TIAM1: variants seen among roughly 807,000 people sequenced by gnomAD.
TIAM1 encodes the protein TIAM Rac1 associated GEF 1, also known as rho guanine nucleotide exchange factor TIAM1.
A neutral mutation model predicts 163.5 loss-of-function variants in TIAM1; 65 were observed. The observed-to-expected ratio is 0.40, with a 90% confidence interval of 0.33 to 0.49. The LOEUF is 0.49. TIAM1 is among the 20% of genes least tolerant of loss of function. The pLI is 0.77. For synonymous variants in TIAM1, 833 were observed against 810.1 expected (o/e 1.03, Z -0.48); for missense variants, 1,789 against 2,044.7 (o/e 0.87, Z 2.41).
At chr21:31,388,004 C>T (rs2076904920) in intron 2 of TIAM1, among the ~76,000 whole-genome samples, 1 of 152,106 alleles carries the variant, frequency 6.6e-6, no homozygotes, top group Non-Finnish European at 1.5e-5. Context: ...CCTTCTCTCA[C>T]TCTGTTGCTC....
At chr21:31,210,626 A>AG (rs1327119346) in intron 10 of TIAM1, among the ~76,000 whole-genome samples, 17 of 15,790 alleles carry the variant, frequency 1.1e-3, no homozygotes, top group South Asian at 8.0e-3. Context: ...AGAAAGAAAG[A>AG]AAGAAAGAAA....
chr21:31,187,035 A>G lies in TIAM1; in HGVS notation c.2628T>C (p.Asn876=). Residue 876 remains asparagine (N), a synonymous_variant, in exon 14 of 28, where the codon AAT becomes AAC. Transcript: ENST00000541036. ...EEDGIRRLYV[N]SVKETGLASK... ...AAGCTAAACCGGTTTCCTTCACACT[A>G]TTCACGTACAGCCTTCGAATACCAT... The G allele has an allele frequency of 4.3e-6, 7 of 1,614,108 alleles. No individual in the cohort carries two copies. Among genetic ancestry groups the G allele is most frequent in the Non-Finnish European group, 5.9e-6 (7 of 1,179,994 alleles).
At chr21:31,466,972 CA>C (rs528948975) in intron 1 of TIAM1, among the ~76,000 whole-genome samples, 1,333 of 88,794 alleles carry the variant, frequency 0.015, 12 homozygotes, top group African/African-American at 0.027. Flanking sequence ...TAAAATAGGC[CA>C]AAAAAAAAAA....
intron 11 of TIAM1, among the ~76,000 whole-genome samples, chr21:31,208,820 A>G (rs865992284): frequency 5.9e-5 from 9 of 152,234 alleles, no homozygotes; most frequent in Non-Finnish European, 1.0e-4. Context: ...TAGAACTACA[A>G]AATTGAGGTA....
At chr21:31,165,124 AC>A (rs1209271789) in intron 15 of TIAM1, 59 bp from the exon 16 acceptor site, 4 of 1,527,762 alleles carry the variant, frequency 2.6e-6, no homozygotes, top group Non-Finnish European at 3.6e-6. Context: ...GCTAAAAGCC[AC>A]CCCTGTGTGA....
Position 31,122,374 on chromosome 21 carries a change from C to T in TIAM1, c.4307-1537G>A, listed in dbSNP as rs552102118. Among the ~76,000 whole-genome samples the T allele has an allele frequency of 2.0e-5, 3 of 151,206 alleles. No individual in the cohort carries two copies. In the South Asian group the frequency reaches 6.2e-4, roughly 31 times the overall value. On this transcript the variant is annotated intron_variant, in intron 27 of 27. Transcript: ENST00000541036. ...AATACAGCATCCCTCTCTCCAATCACCACATTAGAACTACCCCAACTCAAA... is the reference window on the plus strand; with the variant it reads ...AATACAGCATCCCTCTCTCCAATCATCACATTAGAACTACCCCAACTCAAA...
intron 11 of TIAM1, among the ~76,000 whole-genome samples, chr21:31,209,370 C>A (rs142781993): frequency 6.6e-6 from 1 of 152,264 alleles, no homozygotes; most frequent in African/African-American, 2.4e-5. Context: ...CTGCCCTTCA[C>A]GGGGAAAAAT....
In TIAM1 at chr21:31,519,676, A is replaced by G. The variant is rs537277333; in HGVS notation, c.-422+39251T>C. The stretch of plus-strand genomic sequence containing the variant: ...CAAGCGTGCTTTGACGCATGAACAG[A>G]TAAGCAAAAGGTGGCATATCCATAC... On this transcript the variant is annotated intron_variant, in intron 1 of 28. Transcript: ENST00000286827. 5.9e-5 allele frequency among the ~76,000 whole-genome samples: 9 copies of G among 152,354 alleles called. No homozygotes were observed. In the East Asian group the frequency reaches 1.7e-3, roughly 29 times the overall value.
intron 8 of TIAM1, among the ~76,000 whole-genome samples, chr21:31,222,679 ATATATATATAT>A (rs1569055916): frequency 2.3e-4 from 8 of 35,020 alleles, no homozygotes; most frequent in African/African-American, 6.4e-4. Flanking sequence ...ACACATACAT[ATATATATATAT>A]ATATATATAT....
chr21:31,546,552 A>AG (rs2048496048), intron 1 of TIAM1, among the ~76,000 whole-genome samples: 1 of 97,714 alleles, frequency 1.0e-5, no homozygotes, highest in South Asian at 5.7e-4. Flanking sequence ...TCCATCTCAA[A>AG]AAAAAAAGAA....
chr21:31,173,796 G>A (rs936558660), intron 15 of TIAM1, among the ~76,000 whole-genome samples: 2 of 152,158 alleles, frequency 1.3e-5, no homozygotes, highest in African/African-American at 4.8e-5. Context: ...TTAGCTTGTT[G>A]TGAAAGTCAA....
chr21:31,217,435 G>A, intron 9 of TIAM1, 118 bp downstream of exon 9: 1 of 1,382,634 alleles, frequency 7.2e-7, no homozygotes, highest in Non-Finnish European at 9.9e-7. Context: ...GTTTCTTTGT[G>A]CCAACTAGTT....
intron 3 of TIAM1, among the ~76,000 whole-genome samples, chr21:31,276,319 A>G (rs1004137940): frequency 6.6e-6 from 1 of 152,240 alleles, no homozygotes; most frequent in African/African-American, 2.4e-5. Context: ...TTTGATTTTG[A>G]AAAGATTATT....
At chr21:31,270,976 G>T (rs1476825701) in intron 3 of TIAM1, among the ~76,000 whole-genome samples, 1 of 152,084 alleles carries the variant, frequency 6.6e-6, no homozygotes, top group Non-Finnish European at 1.5e-5. Flanking sequence ...GGCCTTTCCT[G>T]ACCCCTCCTC....
intron 2 of TIAM1, among the ~76,000 whole-genome samples, chr21:31,281,721 C>T (rs749090401): frequency 1.3e-4 from 19 of 151,044 alleles, no homozygotes; most frequent in Non-Finnish European, 2.4e-4. Flanking sequence ...GATGGACAGA[C>T]GGTGATGGAT....
At chr21:31,246,160 T>C (rs922254294) in intron 5 of TIAM1, among the ~76,000 whole-genome samples, 5 of 152,144 alleles carry the variant, frequency 3.3e-5, no homozygotes, top group African/African-American at 1.2e-4. Flanking sequence ...ATACCAGCGT[T>C]AAGTACTTTA....
At chr21:31,419,348 T>TA (rs1419729159) in intron 2 of TIAM1, among the ~76,000 whole-genome samples, 1 of 152,246 alleles carries the variant, frequency 6.6e-6, no homozygotes, top group Admixed American at 6.5e-5. Context: ...AATAGAGTGA[T>TA]AAAAACAGGA....
chr21:31,358,310 CTCTT>C (rs1569261996), intron 2 of TIAM1, among the ~76,000 whole-genome samples: 1 of 152,156 alleles, frequency 6.6e-6, no homozygotes, highest in Non-Finnish European at 1.5e-5. Context: ...TGCTTGCTTC[CTCTT>C]TCTTTTGCAG....
intron 2 of TIAM1, among the ~76,000 whole-genome samples, chr21:31,288,017 G>A (rs900820082): frequency 7.2e-5 from 11 of 152,126 alleles, no homozygotes; most frequent in African/African-American, 2.7e-4. Context: ...GAAGGAGGAA[G>A]AACAAGGAGG....
Sources: allele counts gnomAD v4.1 joint callset (sites outside exome capture counted in the v4.1 genomes callset), GRCh38; gene constraint gnomAD v4.1.1; transcripts MANE v1.5; gene names NCBI Gene and HGNC (gene_info 2026-07-23, HGNC 2026-07-21).